CHPF2: variants seen among roughly 807,000 people sequenced by gnomAD.
CHPF2 encodes chondroitin polymerizing factor 2, non-catalytic subunit.
CHPF2 carries 58 observed loss-of-function variants against 63.0 expected under a neutral mutation model. That is an observed-to-expected ratio of 0.92 (90% CI 0.75 to 1.15). The LOEUF (loss-of-function observed/expected upper bound fraction) is 1.15, where lower values mean the gene tolerates loss of function less well. CHPF2 is among the 50% of genes most tolerant of loss of function. The pLI, the probability that CHPF2 is intolerant of heterozygous loss-of-function variation, is 0.00. For missense variants in CHPF2, 1,045 were observed against 1,035.4 expected (o/e 1.01, Z -0.13); for synonymous variants, 442 against 438.0 (o/e 1.01, Z -0.11).
In CHPF2 at chr7:151,234,231, CCCTA is replaced by C. The variant is rs1208473976; in HGVS notation, c.222_225del (p.Tyr75ThrfsTer32). 6.2e-7 allele frequency: 1 copy of C among 1,610,028 alleles called. No homozygotes were observed. Among genetic ancestry groups the C allele is most frequent in the East Asian group, 2.2e-5 (1 of 44,516 alleles). ...TGAAGACTTCAAACCCCGGATTGTC[CCCTA>C]CTACAGGGACCCCAACAAGCCCTAC... On this transcript the variant is annotated frameshift_variant, in exon 1 of 4. Coordinates refer to ENST00000035307, the MANE Select transcript of CHPF2 (RefSeq NM_019015.3). LOFTEE classifies it high-confidence loss of function.
Position 151,238,231 on chromosome 7 carries a change from C to T in CHPF2, c.1869C>T (p.Phe623=), listed in dbSNP as rs762588140. ...GGCAGGCCTTCTTTCCAGTCCATTT[C>T]CAGGAGTTCAATCCTGCCCTGTCAC... ...SGWQAFFPVH[F]QEFNPALSPQ... is the part of the protein sequence containing the mutation. The change falls in exon 4 of 4, where the codon TTC becomes TTT. Residue 623 remains phenylalanine (F), a synonymous_variant. Coordinates refer to ENST00000035307, the MANE Select transcript of CHPF2 (RefSeq NM_019015.3). 1.2e-6 allele frequency: 2 copies of T among 1,612,944 alleles called. No individual in the cohort carries two copies. The highest frequency in any genetic ancestry group is 1.1e-5 in the South Asian group (1 of 91,090).
At chr7:151,235,711 C>T in intron 2 of CHPF2, 99 bp downstream of exon 2, 1 of 1,198,262 alleles carries the variant, frequency 8.3e-7, no homozygotes, top group Non-Finnish European at 1.2e-6. Flanking sequence ...ATTGTTCCCC[C>T]TTCCTGGCCA....
chr7:151,238,164 C>T lies in CHPF2; in HGVS notation c.1802C>T (p.Pro601Leu). 1.2e-6 allele frequency: 2 copies of T among 1,612,706 alleles called. No homozygotes were observed. Among genetic ancestry groups the T allele is most frequent in the Non-Finnish European group, 1.7e-6 (2 of 1,180,030 alleles). ...ACCACCGTGTGGACAAGGCCTGGGC[C>T]CGAAGTCCTCAACCGCTGTCGCATG... is the stretch of plus-strand genomic sequence containing the variant. ...FLTTVWTRPG[P>L]EVLNRCRMNA... Residue 601 changes from proline (P) to leucine (L), a missense_variant, in exon 4 of 4, where the codon CCC (proline) becomes CTC (leucine). By Grantham distance (98) the Pro-to-Leu change is moderately conservative (BLOSUM62 -3). Coordinates refer to ENST00000035307, the MANE Select transcript of CHPF2 (RefSeq NM_019015.3).
intron 2 of CHPF2, among the ~76,000 whole-genome samples, chr7:151,236,013 G>A (rs1003248598): frequency 2.0e-5 from 3 of 152,228 alleles, no homozygotes; most frequent in Admixed American, 6.5e-5. Context: ...AGAACCCAGA[G>A]GTGGCTCATC....
At position 151,233,664 on chromosome 7, in the gene CHPF2, T is replaced by A. The variant is rs988026568; in HGVS notation, c.-348T>A. On this transcript the variant is annotated 5_prime_UTR_variant, in exon 1 of 4. Coordinates refer to ENST00000035307, the MANE Select transcript of CHPF2 (RefSeq NM_019015.3). ...GTCTGCAGATGTGTGTAGTGTTCCTTTTTGGGTTAGCTTTGGCAGTATTGA... is the reference window on the plus strand; with the variant it reads ...GTCTGCAGATGTGTGTAGTGTTCCTATTTGGGTTAGCTTTGGCAGTATTGA... The A allele has an allele frequency of 7.4e-5, 76 of 1,033,172 alleles. No individual in the cohort carries two copies. Among genetic ancestry groups the A allele is most frequent in the Non-Finnish European group, 8.4e-5 (72 of 862,054 alleles). The allele number at this position is 1,033,172 out of a possible 1,614,324, so 64.0% of individuals were successfully genotyped here. A position where few individuals can be genotyped will look rare whatever the true frequency, so the allele number is the denominator to read the frequency against.
Position 151,238,001 on chromosome 7 carries a change from G to C in CHPF2, c.1639G>C (p.Ala547Pro), listed in dbSNP as rs1449930353. ...TCCAGACCCATTTCTTGGGGTGAAGGCTGCAGCAGCGGAGTTAGAGCGACG... is the reference window on the plus strand; with the variant it reads ...TCCAGACCCATTTCTTGGGGTGAAGCCTGCAGCAGCGGAGTTAGAGCGACG... ...GAPDPFLGVK[A>P]AAAELERRYP... The change falls in exon 4 of 4, where the codon GCT becomes CCT. Residue 547 changes from alanine to proline, a missense_variant. Coordinates refer to ENST00000035307, the MANE Select transcript of CHPF2 (RefSeq NM_019015.3). 2 of 1,613,010 alleles carry C rather than the reference G, an allele frequency of 1.2e-6. No homozygotes were observed. Among genetic ancestry groups the C allele is most frequent in the Non-Finnish European group, 1.7e-6 (2 of 1,180,046 alleles).
At position 151,233,384 on chromosome 7, in the gene CHPF2, C is replaced by T; in HGVS notation, c.-628C>T. 2 of 985,776 alleles carry T rather than the reference C, an allele frequency of 2.0e-6. No individual in the cohort carries two copies. Among genetic ancestry groups the T allele is most frequent in the Non-Finnish European group, 2.4e-6 (2 of 830,170 alleles). 61.1% of individuals were successfully genotyped at this position (985,776 alleles called of 1,614,324 possible). Reference sequence around the variant, plus strand: ...GAGTGGGAGGAGGGGTTCCTGTAGCCGTTGCGTCTTCTCAAACACGGGGAG... The same window carrying T: ...GAGTGGGAGGAGGGGTTCCTGTAGCTGTTGCGTCTTCTCAAACACGGGGAG... On this transcript the variant is annotated 5_prime_UTR_variant, in exon 1 of 4. Coordinates refer to ENST00000035307, the MANE Select transcript of CHPF2 (RefSeq NM_019015.3).
At position 151,233,078 on chromosome 7, in the gene CHPF2, T is replaced by C; in HGVS notation, c.-934T>C. 7.3e-6 allele frequency: 9 copies of C among 1,234,836 alleles called. No individual in the cohort carries two copies. Among genetic ancestry groups the C allele is most frequent in the Non-Finnish European group, 9.1e-6 (9 of 986,778 alleles). The allele number at this position is 1,234,836 out of a possible 1,614,324, so 76.5% of individuals were successfully genotyped here. On this transcript the variant is annotated 5_prime_UTR_variant, in exon 1 of 4. Coordinates refer to ENST00000035307, the MANE Select transcript of CHPF2 (RefSeq NM_019015.3). The stretch of plus-strand genomic sequence containing the variant: ...GCTTCTGTTTGCGTTCCCAGGACCC[T>C]GGCATTGTCTCTAGTTGCTGCTTGT...
rs1290613276 is a variant in CHPF2 at position 151,238,259 on chromosome 7, C to G, written c.1897C>G (p.Gln633Glu). ...FQEFNPALSP[Q>E]RSPPGPPGAG... ...GGAGTTCAATCCTGCCCTGTCACCACAGAGATCACCCCCAGGGCCCCCGGG... is the reference window on the plus strand; with the variant it reads ...GGAGTTCAATCCTGCCCTGTCACCAGAGAGATCACCCCCAGGGCCCCCGGG... Residue 633 changes from glutamine (Q) to glutamate (E), a missense_variant, in exon 4 of 4, where the codon CAG (glutamine) becomes GAG (glutamate). Coordinates refer to ENST00000035307, the MANE Select transcript of CHPF2 (RefSeq NM_019015.3). 6.2e-7 allele frequency: 1 copy of G among 1,612,674 alleles called. No individual in the cohort carries two copies. Among genetic ancestry groups the G allele is most frequent in the East Asian group, 2.2e-5 (1 of 44,878 alleles).
At position 151,237,403 on chromosome 7, in the gene CHPF2, C is replaced by T; in HGVS notation, c.1041C>T (p.Thr347=). Residue 347 remains threonine (T), a synonymous_variant, in exon 4 of 4, where the codon ACC becomes ACT. Coordinates refer to ENST00000035307, the MANE Select transcript of CHPF2 (RefSeq NM_019015.3). ...QAQIRNLTVL[T]PEGEAGLSWP... Reference sequence around the variant, plus strand: ...AGATCCGGAACCTGACCGTGCTGACCCCCGAAGGGGAGGCAGGGCTGAGCT... The same window carrying T: ...AGATCCGGAACCTGACCGTGCTGACTCCCGAAGGGGAGGCAGGGCTGAGCT... 1 of 1,605,624 alleles carries T rather than the reference C, an allele frequency of 6.2e-7. No homozygotes were observed. The highest frequency in any genetic ancestry group is 2.2e-5 in the East Asian group (1 of 44,646).
chr7:151,238,169 G>C lies in CHPF2; in HGVS notation c.1807G>C (p.Val603Leu). ...TTVWTRPGPE[V>L]LNRCRMNAIS... The stretch of plus-strand genomic sequence containing the variant: ...CGTGTGGACAAGGCCTGGGCCCGAA[G>C]TCCTCAACCGCTGTCGCATGAATGC... Residue 603 changes from valine to leucine, a missense_variant, in exon 4 of 4, where the codon GTC becomes CTC. By Grantham distance (32) the Val-to-Leu change is conservative. Transcript: ENST00000035307. The C allele has an allele frequency of 6.2e-7, 1 of 1,612,764 alleles. No homozygotes were observed.
intron 1 of CHPF2, among the ~76,000 whole-genome samples, chr7:151,234,778 A>G (rs1802580823): frequency 6.6e-6 from 1 of 152,118 alleles, no homozygotes; most frequent in African/African-American, 2.4e-5. Context: ...GGCGTGAGCT[A>G]CCGTGCCCAG....
intron 3 of CHPF2, chr7:151,236,966 A>G (rs1371901151): frequency 1.9e-6 from 1 of 523,804 alleles, no homozygotes; most frequent in Admixed American, 2.2e-5. Context: ...AACTGTCCCA[A>G]GAAAGCCCAA....
In CHPF2 at chr7:151,235,231, G is replaced by C. The variant is rs1802599633; in HGVS notation, c.447G>C (p.Val149=). 1 of 1,613,104 alleles carries C rather than the reference G, an allele frequency of 6.2e-7. No individual in the cohort carries two copies. The highest frequency in any genetic ancestry group is 1.3e-5 in the African/African-American group (1 of 74,930). ...GARAPAGMQV[V]SHGDERPAWL... ...GGGCTCCAGCAGGGATGCAGGTGGT[G>C]TCTCATGGGGATGAGCGGCCCGCCT... is the stretch of plus-strand genomic sequence containing the variant. Residue 149 remains valine (V), a synonymous_variant, in exon 2 of 4, where the codon GTG becomes GTC. Transcript: ENST00000035307.
chr7:151,237,604 C>T lies in CHPF2; in HGVS notation c.1242C>T (p.Leu414=), dbSNP rs1802708894. Residue 414 remains leucine, a synonymous_variant, in exon 4 of 4, where the codon CTC becomes CTT. Coordinates refer to ENST00000035307, the MANE Select transcript of CHPF2 (RefSeq NM_019015.3). ...GDALETALEQ[L]NRRYQPRLRF... ...CGTTGGAGACTGCCCTGGAGCAGCTCAATCGGCGCTATCAGCCCCGCCTGC... is the reference window on the plus strand; with the variant it reads ...CGTTGGAGACTGCCCTGGAGCAGCTTAATCGGCGCTATCAGCCCCGCCTGC... 3 of 1,613,220 alleles carry T rather than the reference C, an allele frequency of 1.9e-6. No individual in the cohort carries two copies. Among genetic ancestry groups the T allele is most frequent in the African/African-American group, 1.3e-5 (1 of 74,950 alleles).
chr7:151,234,395 T>A, intron 1 of CHPF2, 121 bp downstream of exon 1: 1 of 652,350 alleles, frequency 1.5e-6, no homozygotes, highest in Admixed American at 3.6e-5. Flanking sequence ...TTCTGGCTTA[T>A]TTTCCATCAT....
rs907486275 is a variant in CHPF2, at chr7:151,237,582, T to C, written c.1220T>C (p.Leu407Ser). The change falls in exon 4 of 4, where the codon TTG becomes TCG. Residue 407 changes from leucine to serine, a missense_variant. Leu to Ser is a moderately radical substitution (Grantham distance 145). Transcript: ENST00000035307. ...GASRADVGDA[L>S]ETALEQLNRR... ...AGCAGGGCGGACGTGGGTGATGCGT[T>C]GGAGACTGCCCTGGAGCAGCTCAAT... is the stretch of plus-strand genomic sequence containing the variant. 1.2e-6 allele frequency: 2 copies of C among 1,613,712 alleles called. No individual in the cohort carries two copies. Among genetic ancestry groups the C allele is most frequent in the African/African-American group, 2.7e-5 (2 of 75,070 alleles).
Position 151,232,607 on chromosome 7 carries a change from G to T in CHPF2, c.-1405G>T. 1 of 666,734 alleles carries T rather than the reference G, an allele frequency of 1.5e-6. No individual in the cohort carries two copies. The highest frequency in any genetic ancestry group is 2.4e-6 in the Non-Finnish European group (1 of 424,382). The allele number at this position is 666,734 out of a possible 1,614,324, so 41.3% of individuals were successfully genotyped here. ...GCTCCCTGCCAGGCGCGTGCGGGAC[G>T]CCGCTCTTGGTCCCCACGCCTCCGC... On this transcript the variant is annotated 5_prime_UTR_variant, in exon 1 of 4. Coordinates refer to ENST00000035307, the MANE Select transcript of CHPF2 (RefSeq NM_019015.3).
intron 3 of CHPF2, chr7:151,236,983 A>G: frequency 1.9e-6 from 1 of 527,062 alleles, no homozygotes; most frequent in Non-Finnish European, 3.7e-6. Context: ...CCAAGGGTAG[A>G]AGGGAGAATT....
Sources: gnomAD v4.1 joint callset for allele counts (sites outside exome capture counted in the v4.1 genomes callset) on GRCh38, gnomAD v4.1.1 for gene constraint, MANE v1.5 for transcripts, NCBI Gene and HGNC (gene_info 2026-07-23, HGNC 2026-07-21) for gene names.